The following AFTPH variants were observed in gnomAD, a reference collection of about 807,000 sequenced individuals.
The protein encoded by AFTPH is aftiphilin, also known as aftiphilin protein.
A neutral mutation model predicts 72.5 loss-of-function variants in AFTPH; 7 were observed. The ratio of observed to expected loss-of-function variants is 0.10; its 90% CI spans 0.05 to 0.18. The LOEUF is 0.18. AFTPH is among the 10% of genes least tolerant of loss of function. The pLI, the probability that AFTPH is intolerant of heterozygous loss-of-function variation, is 1.00. For missense variants in AFTPH, 979 were observed against 1,060.5 expected (o/e 0.92, Z 1.07); for synonymous variants, 337 against 370.1 (o/e 0.91, Z 1.03).
At position 64,552,501 on chromosome 2, in the gene AFTPH, A is replaced by G. The variant is rs567021487; in HGVS notation, c.1027A>G (p.Asn343Asp). Residue 343 changes from asparagine (N) to aspartate (D), a missense_variant, in exon 2 of 9, where the codon AAT becomes GAT. Physicochemically the swap from Asn to Asp is conservative, Grantham distance 23. Coordinates refer to ENST00000238856, the Ensembl canonical transcript of AFTPH. Reference sequence around the variant, plus strand: ...TTGGAGTTTGGTAGACTCAGCTGATAATTCAGAAGCCATTAGGAGAGAACA... The same window carrying G: ...TTGGAGTTTGGTAGACTCAGCTGATGATTCAGAAGCCATTAGGAGAGAACA... 1.2e-5 allele frequency: 19 copies of G among 1,614,166 alleles called. No individual in the cohort carries two copies. The African/African-American group carries it at 2.3e-4, about 19-fold the overall frequency.
chr2:64,546,966 G>A (rs374332630), intron 1 of AFTPH, among the ~76,000 whole-genome samples: 17 of 152,050 alleles, frequency 1.1e-4, no homozygotes, highest in African/African-American at 2.2e-4. Flanking sequence ...GGAGAATGGC[G>A]TGAACCCGGG....
Position 64,531,908 on chromosome 2 carries a change from T to C in AFTPH, c.-33+7296T>C, listed in dbSNP as rs567604409. ...ACACTTTTTATTTAGAGAAAAAATA[T>C]AAGATTAACTTAACTCTTATAGAAA... On this transcript the variant is annotated intron_variant, in intron 1 of 8. Transcript: ENST00000238856. Among the ~76,000 whole-genome samples, 77 of 152,346 alleles carry C rather than the reference T, an allele frequency of 5.1e-4. 2 individuals carry two copies. The South Asian group carries it at 0.016, about 31-fold the overall frequency.
intron 1 of AFTPH, among the ~76,000 whole-genome samples, chr2:64,540,011 A>C (rs1273726748): frequency 2.6e-5 from 4 of 152,146 alleles, no homozygotes; most frequent in Admixed American, 6.6e-5. Context: ...TAGTGATGGA[A>C]AATTTTTAAA....
At chr2:64,542,492 G>T (rs913837299) in intron 1 of AFTPH, among the ~76,000 whole-genome samples, 1 of 152,112 alleles carries the variant, frequency 6.6e-6, no homozygotes, top group Non-Finnish European at 1.5e-5. Flanking sequence ...CTTCCGGGTT[G>T]CATTTTTCTA....
intron 2 of AFTPH, among the ~76,000 whole-genome samples, chr2:64,563,487 A>G (rs1671861033): frequency 6.6e-6 from 1 of 152,206 alleles, no homozygotes; most frequent in Non-Finnish European, 1.5e-5. Context: ...TCCTGAAAAA[A>G]ACCTGTCTGG....
intron 7 of AFTPH, among the ~76,000 whole-genome samples, chr2:64,584,646 G>C (rs1673397531): frequency 6.8e-6 from 1 of 146,484 alleles, no homozygotes; most frequent in Admixed American, 6.9e-5. Context: ...ACCCAGGCTG[G>C]AGTGCAGTGG....
At chr2:64,591,308 C>G (rs1211081427) in intron 8 of AFTPH, among the ~76,000 whole-genome samples, 2 of 152,232 alleles carry the variant, frequency 1.3e-5, no homozygotes, top group African/African-American at 4.8e-5. Context: ...CACCAGCAAC[C>G]AGCCCTAGTG....
chr2:64,567,449 C>T, intron 2 of AFTPH, 113 bp from the exon 3 acceptor site: 2 of 1,066,088 alleles, frequency 1.9e-6, no homozygotes, highest in Non-Finnish European at 2.7e-6. Flanking sequence ...TGATGGTTCT[C>T]TTCCTCTCTC....
chr2:64,555,598 C>G (rs1281093386), intron 2 of AFTPH, among the ~76,000 whole-genome samples: 1 of 144,694 alleles, frequency 6.9e-6, no homozygotes, highest in African/African-American at 2.6e-5. Flanking sequence ...CACACACACA[C>G]AAGACTTTCT....
chr2:64,532,571 A>G (rs191254099), intron 1 of AFTPH, among the ~76,000 whole-genome samples: 1 of 152,282 alleles, frequency 6.6e-6, no homozygotes, highest in Admixed American at 6.5e-5. Flanking sequence ...GAGCTTTGTC[A>G]AAGGGGATCT....
intron 2 of AFTPH, 81 bp from the exon 3 acceptor site, chr2:64,567,481 G>A (rs552824093): frequency 2.8e-5 from 40 of 1,436,320 alleles, no homozygotes; most frequent in African/African-American, 8.5e-5. Flanking sequence ...CAGGGTGTGC[G>A]TGTGTTTGCA....
At chr2:64,551,397 C>G in intron 1 of AFTPH, 46 bp from the exon 2 acceptor site, 1 of 1,401,902 alleles carries the variant, frequency 7.1e-7, no homozygotes, top group South Asian at 1.4e-5. Flanking sequence ...AGATCTTGTT[C>G]TATGTAATCT....
chr2:64,581,756 A>C (rs536167550), intron 7 of AFTPH, among the ~76,000 whole-genome samples: 9 of 152,232 alleles, frequency 5.9e-5, no homozygotes, highest in African/African-American at 2.2e-4. Flanking sequence ...TAAATATATA[A>C]TTGGGTTCCA....
At chr2:64,549,115 C>T (rs949054652) in intron 1 of AFTPH, among the ~76,000 whole-genome samples, 3 of 152,096 alleles carry the variant, frequency 2.0e-5, no homozygotes, top group African/African-American at 7.2e-5. Context: ...GTGGTTTCTA[C>T]GGTACCTTCA....
intron 1 of AFTPH, among the ~76,000 whole-genome samples, chr2:64,542,163 T>C (rs1226320140): frequency 6.6e-6 from 1 of 152,182 alleles, no homozygotes; most frequent in East Asian, 1.9e-4. Context: ...GTGTGCTGTA[T>C]GTTTTTAACT....
chr2:64,556,371 T>C (rs1173991332), intron 2 of AFTPH, among the ~76,000 whole-genome samples: 1 of 152,260 alleles, frequency 6.6e-6, no homozygotes, highest in Non-Finnish European at 1.5e-5. Context: ...CTTACCCGGA[T>C]GCCACAAGTG....
chr2:64,552,064 C>G (rs770020679), exon 2 of AFTPH: 1 of 1,613,972 alleles, frequency 6.2e-7, no homozygotes, highest in South Asian at 1.1e-5. Flanking sequence ...CCTCAGGGAA[C>G]AGATGATCTG....
At chr2:64,577,021 A>T (rs1002918839) in intron 6 of AFTPH, among the ~76,000 whole-genome samples, 11 of 152,144 alleles carry the variant, frequency 7.2e-5, no homozygotes, top group African/African-American at 2.2e-4. Flanking sequence ...GGCCTCCCAA[A>T]GTGTTGGGAT....
At chr2:64,583,316 T>TAAAAAA (rs11395165) in intron 7 of AFTPH, among the ~76,000 whole-genome samples, 3 of 141,896 alleles carry the variant, frequency 2.1e-5, no homozygotes, top group Non-Finnish European at 4.6e-5. Flanking sequence ...AAGGCTCTGT[T>TAAAAAA]AAAAAAAAAA....
Sources: allele counts gnomAD v4.1 joint callset (sites outside exome capture counted in the v4.1 genomes callset), GRCh38; gene constraint gnomAD v4.1.1; transcripts MANE v1.5; gene names NCBI Gene and HGNC (gene_info 2026-07-23, HGNC 2026-07-21).